Variants in EML4 observed in about 807,000 individuals in gnomAD.
EML4 encodes EMAP like 4.
A neutral mutation model predicts 129.0 loss-of-function variants in EML4; 72 were observed. The ratio of observed to expected loss-of-function variants is 0.56; its 90% confidence interval spans 0.46 to 0.68. EML4 has a LOEUF of 0.68. Among genes scored for constraint, EML4 ranks in the 30% least tolerant of loss-of-function variants. EML4 has a pLI of 0.00. For missense variants in EML4, 1,363 were observed against 1,190.6 expected (o/e 1.14, Z -2.13); for synonymous variants, 532 against 405.0 (o/e 1.31, Z -3.77).
Position 42,261,206 on chromosome 2 carries a change from C to T in EML4, c.424C>T (p.Arg142Ter), listed in dbSNP as rs760391629. ...TTCTAATGATCAAAGTCCACAAATT[C>T]GAGCATCACCTTCTCCCCAGCCCTC... ...SHSNDQSPQI[R>*]ASPSPQPSSQ... Residue 142 changes from arginine (R) to a stop codon, truncating the protein, a stop_gained, in exon 4 of 23, where the codon CGA becomes TGA. Transcript: ENST00000318522. LOFTEE classifies it high-confidence loss of function. 3.1e-6 allele frequency: 5 copies of T among 1,613,634 alleles called. No homozygotes were observed. The highest frequency in any genetic ancestry group is 4.2e-6 in the Non-Finnish European group (5 of 1,179,810).
At position 42,332,504 on chromosome 2, in the gene EML4, T is replaced by C; in HGVS notation, c.*2297T>C. 1 of 187,118 alleles carries C rather than the reference T, an allele frequency of 5.3e-6. No individual in the cohort carries two copies. The highest frequency in any genetic ancestry group is 1.1e-5 in the Non-Finnish European group (1 of 88,236). 11.6% of individuals were successfully genotyped at this position (187,118 alleles called of 1,614,324 possible). On this transcript the variant is annotated 3_prime_UTR_variant, in exon 23 of 23. Coordinates refer to ENST00000318522, the MANE Select transcript of EML4 (RefSeq NM_019063.5). ...CATTCCTGTCTCATGGCAGAAAATT[T>C]TGAAGATTAAAAAATAAAATAATCA...
chr2:42,202,617 C>T (rs1187916131), intron 1 of EML4, among the ~76,000 whole-genome samples: 1 of 152,148 alleles, frequency 6.6e-6, no homozygotes, highest in African/African-American at 2.4e-5. Context: ...AGGAACCATC[C>T]AGCACAGGAG....
At chr2:42,314,269 G>C (rs988785347) in intron 17 of EML4, among the ~76,000 whole-genome samples, 1 of 152,040 alleles carries the variant, frequency 6.6e-6, no homozygotes, top group Middle Eastern at 3.2e-3. Context: ...TGAGGCATGA[G>C]AATCGCTTGA....
At chr2:42,197,769 G>A (rs1056035173) in intron 1 of EML4, among the ~76,000 whole-genome samples, 20 of 152,224 alleles carry the variant, frequency 1.3e-4, no homozygotes, top group African/African-American at 4.1e-4. Context: ...AGTTAAGCCA[G>A]TAAGTGTGTC....
chr2:42,258,727 TA>T (rs918188594), intron 3 of EML4, among the ~76,000 whole-genome samples: 1 of 141,590 alleles, frequency 7.1e-6, no homozygotes, highest in African/African-American at 2.4e-5. Context: ...CACCTGCTTT[TA>T]AAAAAATTGA....
chr2:42,263,943 A>G (rs145664284), intron 5 of EML4, among the ~76,000 whole-genome samples: 24 of 151,580 alleles, frequency 1.6e-4, no homozygotes, highest in African/African-American at 5.6e-4. Flanking sequence ...GTTAGCCAGG[A>G]TGATCTCGAT....
chr2:42,323,425 C>T (rs1669623875), intron 19 of EML4, among the ~76,000 whole-genome samples: 1 of 152,174 alleles, frequency 6.6e-6, no homozygotes, highest in Non-Finnish European at 1.5e-5. Context: ...CCGCTTAATT[C>T]TAGTGATTTC....
chr2:42,295,613 A>T (rs112801391), intron 13 of EML4, 97 bp downstream of exon 13: 9 of 1,048,154 alleles, frequency 8.6e-6, no homozygotes, highest in Non-Finnish European at 8.2e-6. Flanking sequence ...CTGCAGTGTA[A>T]CAATATGAGC....
intron 17 of EML4, among the ~76,000 whole-genome samples, chr2:42,307,342 A>G (rs545098774): frequency 1.3e-5 from 2 of 152,346 alleles, no homozygotes; most frequent in South Asian, 2.1e-4. Flanking sequence ...GTAAGTAGAA[A>G]ACACTTCATG....
In EML4 at chr2:42,290,254, C is replaced by T. The variant is rs567044979; in HGVS notation, c.1218+1932C>T. On this transcript the variant is annotated intron_variant, in intron 11 of 22. Transcript: ENST00000318522. ...TGACTGTCTCTCCTCTTCTCCCTGT[C>T]TTGACCTTATTCTGTTCTACTATAG... Among the ~76,000 whole-genome samples the T allele has an allele frequency of 1.2e-4, 18 of 152,168 alleles. No homozygotes were observed. In the South Asian group the frequency reaches 3.7e-3, roughly 32 times the overall value.
At chr2:42,247,168 A>G (rs1280375247) in intron 2 of EML4, among the ~76,000 whole-genome samples, 4 of 152,192 alleles carry the variant, frequency 2.6e-5, no homozygotes, top group Admixed American at 2.6e-4. Context: ...ATACGGGGAA[A>G]TGGGGTGGTA....
intron 1 of EML4, among the ~76,000 whole-genome samples, chr2:42,237,520 G>C (rs1674752947): frequency 1.3e-5 from 2 of 151,800 alleles, no homozygotes; most frequent in Non-Finnish European, 2.9e-5. Context: ...TTAATATATG[G>C]TTCACCCTTG....
At chr2:42,281,743 T>G (rs1667023605) in intron 7 of EML4, among the ~76,000 whole-genome samples, 1 of 152,088 alleles carries the variant, frequency 6.6e-6, no homozygotes, top group African/African-American at 2.4e-5. Context: ...TCAGCCAGAC[T>G]TTTTTTTAAA....
In EML4 at chr2:42,295,522, G is replaced by C. The variant is rs1484575968; in HGVS notation, c.1489+6G>C. 1 of 1,607,584 alleles carries C rather than the reference G, an allele frequency of 6.2e-7. No homozygotes were observed. Among genetic ancestry groups the C allele is most frequent in the Non-Finnish European group, 8.5e-7 (1 of 1,178,194 alleles). ...ACCTGGGAAAGGACCTAAAGGTACA[G>C]TATTCTTATATTAAACTCATTTCTG... On this transcript the variant is annotated splice_donor_region_variant and intron_variant, in intron 13 of 22. Transcript: ENST00000318522.
intron 9 of EML4, among the ~76,000 whole-genome samples, chr2:42,285,669 G>A (rs944833393): frequency 6.6e-6 from 1 of 150,922 alleles, no homozygotes; most frequent in African/African-American, 2.4e-5. Flanking sequence ...CACAATATTG[G>A]CTCACTGCAA....
chr2:42,257,974 T>C (rs544843400), intron 3 of EML4, among the ~76,000 whole-genome samples: 26 of 152,246 alleles, frequency 1.7e-4, no homozygotes, highest in Admixed American at 1.4e-3. Context: ...ACTAAGAAAA[T>C]GTTAGAAAAT....
intron 11 of EML4, among the ~76,000 whole-genome samples, chr2:42,290,608 T>G (rs892938552): frequency 6.6e-6 from 1 of 151,508 alleles, no homozygotes; most frequent in Non-Finnish European, 1.5e-5. Flanking sequence ...GGTGCACATT[T>G]GTAGTTCCAG....
intron 1 of EML4, among the ~76,000 whole-genome samples, chr2:42,175,444 C>G (rs921592256): frequency 2.0e-5 from 3 of 151,622 alleles, no homozygotes. Context: ...AAGGTTAAGT[C>G]CAGGTTTTTT....
intron 1 of EML4, among the ~76,000 whole-genome samples, chr2:42,183,789 C>T (rs981865296): frequency 5.3e-5 from 8 of 151,488 alleles, no homozygotes; most frequent in African/African-American, 1.9e-4. Context: ...TCAATAAAAT[C>T]TTTTTTTTCA....
Sources: allele counts gnomAD v4.1 joint callset (sites outside exome capture counted in the v4.1 genomes callset), GRCh38; gene constraint gnomAD v4.1.1; transcripts MANE v1.5; gene names NCBI Gene and HGNC (gene_info 2026-07-23, HGNC 2026-07-21).